The following EBF2 variants were observed in gnomAD, a reference collection of about 807,000 sequenced individuals.
EBF2 encodes transcription factor COE2.
In EBF2, 21 loss-of-function variants were observed where a neutral mutation model predicts 72.8. The ratio of observed to expected loss-of-function variants is 0.29; its 90% CI spans 0.20 to 0.42. The LOEUF (loss-of-function observed/expected upper bound fraction) is 0.42. EBF2 is among the 10% of genes least tolerant of loss of function. The pLI is 1.00. For missense variants in EBF2, 637 were observed against 731.2 expected (o/e 0.87, Z 1.49); for synonymous variants, 299 against 274.2 (o/e 1.09, Z -0.89).
intron 6 of EBF2, among the ~76,000 whole-genome samples, chr8:26,021,135 G>T (rs912329560): frequency 3.9e-5 from 6 of 152,140 alleles, no homozygotes; most frequent in African/African-American, 1.4e-4. Context: ...CAATCCAGGG[G>T]AGGTGACAAG....
At chr8:26,033,912 G>A (rs1805450400) in intron 5 of EBF2, among the ~76,000 whole-genome samples, 1 of 152,168 alleles carries the variant, frequency 6.6e-6, no homozygotes, top group African/African-American at 2.4e-5. Flanking sequence ...TTAGAAGCTG[G>A]CTAATTCTCA....
chr8:25,876,032 T>C (rs1242157029), intron 10 of EBF2, among the ~76,000 whole-genome samples: 2 of 152,132 alleles, frequency 1.3e-5, no homozygotes, highest in African/African-American at 4.8e-5. Flanking sequence ...AATGATAGAC[T>C]GGATAATAAA....
intron 6 of EBF2, among the ~76,000 whole-genome samples, chr8:25,927,303 T>A (rs917184322): frequency 2.0e-5 from 3 of 151,260 alleles, no homozygotes; most frequent in African/African-American, 7.3e-5. Context: ...CCTTATCTTG[T>A]ATATATCTAG....
At chr8:25,850,472 T>C in intron 15 of EBF2, 122 bp downstream of exon 15, 1 of 1,227,112 alleles carries the variant, frequency 8.1e-7, no homozygotes, top group Non-Finnish European at 1.1e-6. Context: ...TGTCCCATGA[T>C]AAGAACAGCA....
intron 10 of EBF2, among the ~76,000 whole-genome samples, chr8:25,864,788 T>C (rs1351902834): frequency 6.7e-6 from 1 of 149,462 alleles, no homozygotes; most frequent in African/African-American, 2.5e-5. Flanking sequence ...TAAAACTACA[T>C]TTTCTCAACT....
chr8:25,970,011 A>T (rs1804167117), intron 6 of EBF2, among the ~76,000 whole-genome samples: 1 of 152,176 alleles, frequency 6.6e-6, no homozygotes, highest in Non-Finnish European at 1.5e-5. Context: ...AGATTTTATG[A>T]CCTTCATATT....
At chr8:25,996,929 A>C (rs985532) in intron 6 of EBF2, among the ~76,000 whole-genome samples, 49,950 of 152,104 alleles carry the variant, frequency 0.33, 8,944 homozygotes, top group Admixed American at 0.43. Flanking sequence ...AAGTATAAAA[A>C]TGTTGACTAA....
At chr8:25,862,417 C>G (rs1487960363) in intron 11 of EBF2, among the ~76,000 whole-genome samples, 1 of 152,116 alleles carries the variant, frequency 6.6e-6, no homozygotes, top group Admixed American at 6.5e-5. Context: ...GAAGCTTATA[C>G]TTTTAACCAA....
At chr8:25,952,541 G>A (rs1350325761) in intron 6 of EBF2, among the ~76,000 whole-genome samples, 1 of 152,120 alleles carries the variant, frequency 6.6e-6, no homozygotes. Context: ...GAAGTGGCCA[G>A]GCAGTCATTA....
intron 6 of EBF2, among the ~76,000 whole-genome samples, chr8:25,992,155 C>T (rs1303808554): frequency 6.6e-6 from 1 of 151,642 alleles, no homozygotes; most frequent in Non-Finnish European, 1.5e-5. Context: ...CTTGGCCTGA[C>T]AGGTGAAACC....
intron 6 of EBF2, among the ~76,000 whole-genome samples, chr8:25,960,727 C>CA (rs1462270523): frequency 6.6e-6 from 1 of 152,124 alleles, no homozygotes; most frequent in Non-Finnish European, 1.5e-5. Context: ...AGAGCATCAT[C>CA]AAAAAGCCTC....
chr8:26,044,699 A>G lies in EBF2; in HGVS notation c.131+30T>C. 1 of 1,611,342 alleles carries G rather than the reference A, an allele frequency of 6.2e-7. No individual in the cohort carries two copies. The highest frequency in any genetic ancestry group is 8.5e-7 in the Non-Finnish European group (1 of 1,178,064). On this transcript the variant is annotated intron_variant, in intron 1 of 15. Transcript: ENST00000520164. The surrounding 1 kb of genome is among the most constrained non-coding windows in gnomAD (Gnocchi z 4.1). ...GAGACAGACCGTAAGAGCGAGAGAC[A>G]GCATAATAATTGCGCGGCCGTGTCG...
In EBF2 at chr8:25,842,530, T is replaced by G. The variant is rs1220247246; in HGVS notation, c.*2079A>C. 2.6e-5 allele frequency: 4 copies of G among 152,254 alleles called. No homozygotes were observed. The highest frequency in any genetic ancestry group is 5.9e-5 in the Non-Finnish European group (4 of 68,048). The allele number at this position is 152,254 out of a possible 1,614,324, so 9.4% of individuals were successfully genotyped here. On this transcript the variant is annotated 3_prime_UTR_variant, in exon 16 of 16. Coordinates refer to ENST00000520164, the MANE Select transcript of EBF2 (RefSeq NM_022659.4). Reference sequence around the variant, plus strand: ...CTTAATTTTGCTCTGCCTTCACTTTTGGAAGGTAACATTCATATTCCACAC... The same window carrying G: ...CTTAATTTTGCTCTGCCTTCACTTTGGGAAGGTAACATTCATATTCCACAC...
intron 6 of EBF2, among the ~76,000 whole-genome samples, chr8:26,013,650 C>T (rs1805062734): frequency 6.6e-6 from 1 of 151,916 alleles, no homozygotes; most frequent in Non-Finnish European, 1.5e-5. Context: ...GATTTCCTGG[C>T]TTTCTGATCC....
At position 26,044,823 on chromosome 8, in the gene EBF2, T is replaced by A; in HGVS notation, c.37A>T (p.Thr13Ser). ...GCGCCCAGCGATTTCTCTTTCAGAG[T>A]TGGTCCTCTTCCTAAAGTATCTTGA... ...GIQDTLGRGP[T>S]LKEKSLGAEM... is the part of the protein sequence containing the mutation. The change falls in exon 1 of 16, where the codon ACT becomes TCT. Residue 13 changes from threonine (T) to serine (S), a missense_variant. By Grantham distance (58) the Thr-to-Ser change is moderately conservative (BLOSUM62 1). Around this residue, in one of 3 missense-constraint regions of EBF2, gnomAD observed 174 missense variants for 161.9 expected, o/e 1.07. Transcript: ENST00000520164. The surrounding 1 kb of genome is among the most constrained non-coding windows in gnomAD (Gnocchi z 4.1). 6.2e-7 allele frequency: 1 copy of A among 1,614,010 alleles called. No homozygotes were observed. Among genetic ancestry groups the A allele is most frequent in the African/African-American group, 1.3e-5 (1 of 74,988 alleles).
chr8:25,974,086 A>G (rs778426296), intron 6 of EBF2, among the ~76,000 whole-genome samples: 61 of 152,214 alleles, frequency 4.0e-4, no homozygotes, highest in Non-Finnish European at 7.2e-4. Flanking sequence ...AAACAATGCA[A>G]AAGATTTTAC....
chr8:26,024,825 A>G (rs1450011102), intron 6 of EBF2, among the ~76,000 whole-genome samples: 1 of 152,238 alleles, frequency 6.6e-6, no homozygotes, highest in Non-Finnish European at 1.5e-5. Context: ...TTAGCACAAC[A>G]ACTTAAGGGG....
At chr8:25,850,500 T>C in intron 15 of EBF2, 94 bp downstream of exon 15, 1 of 1,359,786 alleles carries the variant, frequency 7.4e-7, no homozygotes, top group Non-Finnish European at 9.7e-7. Context: ...TCTTTGCAGG[T>C]AAATGGCTGG....
intron 10 of EBF2, among the ~76,000 whole-genome samples, chr8:25,883,772 G>T (rs566177949): frequency 6.6e-6 from 1 of 152,188 alleles, no homozygotes; most frequent in East Asian, 1.9e-4. Context: ...CTCCTTATAG[G>T]CCAGCTCCAT....
Sources: gnomAD v4.1 joint callset for allele counts (sites outside exome capture counted in the v4.1 genomes callset) on GRCh38, gnomAD v4.1.1 for gene constraint, gnomAD v4.1.1 regional missense constraint, Gnocchi (gnomAD v3.1) non-coding constraint, MANE v1.5 for transcripts, NCBI Gene and HGNC (gene_info 2026-07-23, HGNC 2026-07-21) for gene names.